The following EYS variants were observed in gnomAD, a reference collection of about 807,000 sequenced individuals.
EYS encodes protein eyes shut homolog.
EYS carries 250 observed loss-of-function variants against 282.1 expected under a neutral mutation model. That is an observed-to-expected ratio of 0.89 (90% CI 0.80 to 0.98). The LOEUF is 0.98. EYS is among the 50% of genes least tolerant of loss of function. The pLI, the probability that EYS is intolerant of heterozygous loss-of-function variation, is 0.00. For missense variants in EYS, 4,016 were observed against 3,709.0 expected, an observed-to-expected ratio of 1.08 and a Z score of -2.15; for synonymous variants, 1,355 against 1,282.9, an observed-to-expected ratio of 1.06 and a Z score of -1.20.
intron 18 of EYS, among the ~76,000 whole-genome samples, chr6:64,897,095 C>T (rs1247544008): frequency 6.6e-6 from 1 of 152,174 alleles, no homozygotes; most frequent in Non-Finnish European, 1.5e-5. Flanking sequence ...CAGTACAGTG[C>T]TCAAGCTCTG....
chr6:65,476,275 C>T (rs1281398484), intron 5 of EYS, among the ~76,000 whole-genome samples: 2 of 151,912 alleles, frequency 1.3e-5, no homozygotes, highest in Non-Finnish European at 2.9e-5. Flanking sequence ...TCAATTATAC[C>T]CTGCTATCAG....
chr6:65,341,248 G>C (rs1438487946), intron 10 of EYS, among the ~76,000 whole-genome samples: 1 of 151,154 alleles, frequency 6.6e-6, no homozygotes, highest in Non-Finnish European at 1.5e-5. Context: ...AACAGTCTTA[G>C]TTGATTTGAA....
At chr6:65,262,915 C>T (rs977638844) in intron 12 of EYS, among the ~76,000 whole-genome samples, 6 of 151,946 alleles carry the variant, frequency 3.9e-5, no homozygotes, top group African/African-American at 7.2e-5. Flanking sequence ...CCATTGGATC[C>T]GTCATTGATA....
intron 2 of EYS, among the ~76,000 whole-genome samples, chr6:65,602,890 C>T (rs1765660945): frequency 6.6e-6 from 1 of 151,908 alleles, no homozygotes; most frequent in Non-Finnish European, 1.5e-5. Flanking sequence ...CATTTGTTGT[C>T]CTAACAGTCT....
intron 8 of EYS, among the ~76,000 whole-genome samples, chr6:65,365,777 A>G (rs1764894202): frequency 6.6e-6 from 1 of 151,744 alleles, no homozygotes; most frequent in African/African-American, 2.4e-5. Flanking sequence ...ACTGAGGCTA[A>G]ACAAAAGTTA....
At chr6:64,909,414 A>G (rs950807480) in intron 16 of EYS, among the ~76,000 whole-genome samples, 4 of 152,162 alleles carry the variant, frequency 2.6e-5, no homozygotes, top group African/African-American at 9.7e-5. Flanking sequence ...GTTTATAGAA[A>G]TCTCATAAAA....
intron 13 of EYS, among the ~76,000 whole-genome samples, chr6:65,007,428 G>T (rs201648690): frequency 2.6e-5 from 4 of 152,096 alleles, no homozygotes; most frequent in African/African-American, 7.2e-5. Context: ...CCTCTTCAAG[G>T]GGGGAGAAAC....
intron 26 of EYS, among the ~76,000 whole-genome samples, chr6:64,574,587 A>C (rs1368874610): frequency 6.6e-6 from 1 of 152,180 alleles, no homozygotes; most frequent in Non-Finnish European, 1.5e-5. Flanking sequence ...AATGGGATTC[A>C]GCTGGAAACA....
chr6:65,595,304 C>T (rs912147869), intron 2 of EYS, among the ~76,000 whole-genome samples: 9 of 151,952 alleles, frequency 5.9e-5, no homozygotes, highest in Admixed American at 5.3e-4. Context: ...GAATATCACA[C>T]ACTGGGTCCT....
intron 22 of EYS, among the ~76,000 whole-genome samples, chr6:64,812,764 C>A (rs1175336292): frequency 7.6e-6 from 1 of 131,488 alleles, no homozygotes; most frequent in South Asian, 2.5e-4. Context: ...TTTTTTAATA[C>A]CTGGGTTCGG....
chr6:63,949,295 T>TA (rs1765495010), intron 35 of EYS, among the ~76,000 whole-genome samples: 1 of 152,184 alleles, frequency 6.6e-6, no homozygotes, highest in South Asian at 2.1e-4. Context: ...TCTCAACACT[T>TA]ACACTATCCT....
intron 26 of EYS, among the ~76,000 whole-genome samples, chr6:64,456,713 T>A (rs182737676): frequency 2.7e-4 from 41 of 152,114 alleles, no homozygotes; most frequent in African/African-American, 9.9e-4. Flanking sequence ...AGGCATATAT[T>A]TGGAAAAGTC....
At chr6:65,107,267 G>T (rs555400960) in intron 12 of EYS, among the ~76,000 whole-genome samples, 1 of 149,578 alleles carries the variant, frequency 6.7e-6, no homozygotes, top group Admixed American at 6.7e-5. Flanking sequence ...TTTGTCTTCA[G>T]CTTCAAATCT....
At chr6:64,295,375 A>G (rs75922579) in intron 30 of EYS, among the ~76,000 whole-genome samples, 1 of 16,980 alleles carries the variant, frequency 5.9e-5, no homozygotes, top group Non-Finnish European at 1.1e-4. Context: ...AAGAAGGAAG[A>G]AGAAGAAGAA....
At chr6:65,030,160 T>C (rs944788760) in intron 13 of EYS, among the ~76,000 whole-genome samples, 30 of 152,152 alleles carry the variant, frequency 2.0e-4, no homozygotes, top group African/African-American at 7.0e-4. Flanking sequence ...CTGTCAGACC[T>C]GGACAAAGCA....
At chr6:64,388,264 C>A (rs1352388688) in intron 29 of EYS, among the ~76,000 whole-genome samples, 1 of 152,110 alleles carries the variant, frequency 6.6e-6, no homozygotes, top group Non-Finnish European at 1.5e-5. Context: ...AATGTTCTCA[C>A]ATTTTGGTAA....
chr6:64,833,045 T>C (rs538456862), intron 19 of EYS, among the ~76,000 whole-genome samples: 1 of 152,066 alleles, frequency 6.6e-6, no homozygotes, highest in South Asian at 2.1e-4. Context: ...AGAATGAGAA[T>C]TGAGATCATT....
chr6:65,417,874 G>T (rs1385565390), intron 5 of EYS, among the ~76,000 whole-genome samples: 3 of 151,914 alleles, frequency 2.0e-5, no homozygotes, highest in Non-Finnish European at 4.4e-5. Context: ...TGCAATACTG[G>T]ATTTAAGAAA....
intron 35 of EYS, among the ~76,000 whole-genome samples, chr6:63,914,613 C>T (rs1372786719): frequency 1.3e-5 from 2 of 151,494 alleles, no homozygotes; most frequent in East Asian, 1.9e-4. Context: ...GAGGCTGAGG[C>T]AGGAGAATCA....
Sources: allele counts gnomAD v4.1 joint callset (sites outside exome capture counted in the v4.1 genomes callset), GRCh38; gene constraint gnomAD v4.1.1; transcripts MANE v1.5; gene names NCBI Gene and HGNC (gene_info 2026-07-23, HGNC 2026-07-21).